Variants in GPHN observed in about 807,000 individuals in gnomAD.
GPHN encodes the protein gephyrin.
Under a neutral mutation model 95.5 loss-of-function variants are expected in GPHN, and 17 were observed. That is an observed-to-expected ratio of 0.18 (90% confidence interval 0.12 to 0.27). GPHN has a LOEUF of 0.27. Among genes scored for constraint, GPHN ranks in the 10% least tolerant of loss-of-function variants. The pLI, the probability that GPHN is intolerant of heterozygous loss-of-function variation, is 1.00. For missense variants in GPHN, 660 were observed against 978.1 expected, an observed-to-expected ratio of 0.67 and a Z score of 4.34; for synonymous variants, 320 against 322.5, an observed-to-expected ratio of 0.99 and a Z score of 0.08.
At chr14:66,738,108 G>A (rs1416282242) in intron 2 of GPHN, among the ~76,000 whole-genome samples, 1 of 152,184 alleles carries the variant, frequency 6.6e-6, no homozygotes, top group Admixed American at 6.5e-5. Flanking sequence ...ACTTTCATAA[G>A]ACTACAGCAA....
At chr14:66,639,684 G>T (rs2064288299) in intron 1 of GPHN, among the ~76,000 whole-genome samples, 1 of 151,780 alleles carries the variant, frequency 6.6e-6, no homozygotes, top group South Asian at 2.1e-4. Context: ...CAAATAAAAG[G>T]CAGAGGCAAG....
intron 1 of GPHN, among the ~76,000 whole-genome samples, chr14:66,558,731 ATTATT>A (rs1461347962): frequency 6.6e-6 from 1 of 151,524 alleles, no homozygotes; most frequent in Non-Finnish European, 1.5e-5. Context: ...TTTCTTTTTT[ATTATT>A]TTATTTTATT....
At chr14:67,397,693 G>A in the GPHN span, 2 of 1,613,260 alleles carry the variant, frequency 1.2e-6, no homozygotes, top group Non-Finnish European at 1.7e-6. Context: ...GCAGGGGCAG[G>A]TGATGGTGCA....
intron 9 of GPHN, chr14:66,996,271 A>G: frequency 6.4e-6 from 7 of 1,097,744 alleles, no homozygotes; most frequent in Middle Eastern, 1.9e-4. Flanking sequence ...CGCCCTCACC[A>G]TTTTTCTCAT....
intron 1 of GPHN, among the ~76,000 whole-genome samples, chr14:66,550,061 C>T (rs1297676042): frequency 6.6e-6 from 1 of 152,192 alleles, no homozygotes; most frequent in Non-Finnish European, 1.5e-5. Flanking sequence ...CCTGCTAACC[C>T]AACATCCATT....
At chr14:66,788,740 T>TC (rs2059871799) in intron 3 of GPHN, among the ~76,000 whole-genome samples, 3 of 152,178 alleles carry the variant, frequency 2.0e-5, no homozygotes, top group Admixed American at 2.0e-4. Flanking sequence ...CACTGCAACC[T>TC]CCAACCCCCA....
intron 9 of GPHN, among the ~76,000 whole-genome samples, chr14:66,982,381 A>C (rs888877434): frequency 6.6e-6 from 1 of 152,178 alleles, no homozygotes; most frequent in African/African-American, 2.4e-5. Flanking sequence ...TAGAAATGTC[A>C]AAGTCATTTT....
intron 4 of GPHN, among the ~76,000 whole-genome samples, chr14:66,841,121 A>G (rs776555546): frequency 1.3e-5 from 2 of 152,066 alleles, no homozygotes; most frequent in Non-Finnish European, 2.9e-5. Context: ...CCCTACCTTT[A>G]TGGAATTTAC....
chr14:67,122,660 C>A (rs2079079139), intron 17 of GPHN, among the ~76,000 whole-genome samples: 1 of 152,166 alleles, frequency 6.6e-6, no homozygotes, highest in African/African-American at 2.4e-5. Context: ...ATGGAGCTAA[C>A]AGTGATGGCA....
chr14:67,108,797 A>G (rs966191672), intron 13 of GPHN, among the ~76,000 whole-genome samples: 5 of 151,678 alleles, frequency 3.3e-5, no homozygotes, highest in African/African-American at 1.2e-4. Flanking sequence ...AATAACAACA[A>G]TGACAAAACA....
At chr14:66,865,616 T>C in intron 4 of GPHN, among the ~76,000 whole-genome samples, 1 of 152,194 alleles carries the variant, frequency 6.6e-6, no homozygotes, top group Non-Finnish European at 1.5e-5. Context: ...AGCCTATATA[T>C]GTCCTTATTA....
At chr14:67,601,940 G>T in the GPHN span, among the ~76,000 whole-genome samples, 1 of 150,730 alleles carries the variant, frequency 6.6e-6, no homozygotes, top group Admixed American at 6.6e-5. Flanking sequence ...TCTGATGAAA[G>T]GTTCCGTTTC....
the GPHN span, among the ~76,000 whole-genome samples, chr14:67,282,294 A>G: frequency 1.3e-5 from 2 of 152,148 alleles, no homozygotes; most frequent in Non-Finnish European, 2.9e-5. Flanking sequence ...TATTTGATTA[A>G]TACCCATATG....
At chr14:67,714,920 C>T in the GPHN span, 1 of 152,358 alleles carries the variant, frequency 6.6e-6, no homozygotes, top group African/African-American at 2.4e-5. Flanking sequence ...ACACATGTTA[C>T]CACGGCAAAA....
the GPHN span, among the ~76,000 whole-genome samples, chr14:67,256,538 C>G: frequency 6.6e-6 from 1 of 152,038 alleles, no homozygotes; most frequent in African/African-American, 2.4e-5. Flanking sequence ...TACTTTATAT[C>G]CTTTTTTCTT....
At chr14:66,992,231 CAAA>C (rs1301755997) in intron 9 of GPHN, among the ~76,000 whole-genome samples, 1 of 151,346 alleles carries the variant, frequency 6.6e-6, no homozygotes, top group African/African-American at 2.4e-5. Context: ...CTATGATAAA[CAAA>C]AAGGAATATG....
intron 2 of GPHN, among the ~76,000 whole-genome samples, chr14:66,681,691 A>G (rs919504391): frequency 6.6e-6 from 1 of 152,108 alleles, no homozygotes; most frequent in Non-Finnish European, 1.5e-5. Flanking sequence ...TTTTTTGCTC[A>G]TCAGTCAGTC....
At chr14:67,602,218 T>G in the GPHN span, among the ~76,000 whole-genome samples, 1 of 152,176 alleles carries the variant, frequency 6.6e-6, no homozygotes, top group Non-Finnish European at 1.5e-5. Flanking sequence ...AAGCCAGGCA[T>G]GTCTTACATG....
chr14:66,795,713 C>T (rs1462179704), intron 3 of GPHN, among the ~76,000 whole-genome samples: 1 of 151,910 alleles, frequency 6.6e-6, no homozygotes, highest in African/African-American at 2.4e-5. Flanking sequence ...TTTGTGTGTA[C>T]ATAATAAATG....
Sources: gnomAD v4.1 joint callset for allele counts (sites outside exome capture counted in the v4.1 genomes callset) on GRCh38, gnomAD v4.1.1 for gene constraint, MANE v1.5 for transcripts, NCBI Gene and HGNC (gene_info 2026-07-23, HGNC 2026-07-21) for gene names.